Variants in ARHGEF10 observed in about 807,000 individuals in gnomAD.
ARHGEF10 encodes Rho guanine nucleotide exchange factor 10.
Under a neutral mutation model 147.4 loss-of-function variants are expected in ARHGEF10, and 140 were observed. The ratio of observed to expected loss-of-function variants is 0.95; its 90% CI spans 0.83 to 1.09. The LOEUF is 1.09. Ranked by LOEUF, ARHGEF10 falls within the 50% of genes least tolerant of loss-of-function variation. ARHGEF10 has a pLI of 0.00. For missense variants in ARHGEF10, 2,222 were observed against 1,752.7 expected (o/e 1.27, Z -4.78); for synonymous variants, 902 against 695.8 (o/e 1.30, Z -4.67).
intron 8 of ARHGEF10, among the ~76,000 whole-genome samples, chr8:1,877,236 TC>T (rs1807786299): frequency 6.6e-6 from 1 of 152,212 alleles, no homozygotes; most frequent in Non-Finnish European, 1.5e-5. Context: ...TTTTTCTTTT[TC>T]TTTTTTTTGA....
In ARHGEF10 at chr8:1,952,173, G is replaced by A. The variant is rs919432526; in HGVS notation, c.3398-532G>A. 1.8e-4 allele frequency among the ~76,000 whole-genome samples: 27 copies of A among 152,216 alleles called. 1 individual carries two copies. Among genetic ancestry groups the A allele is most frequent in the African/African-American group, 6.5e-4 (27 of 41,464 alleles). On this transcript the variant is annotated intron_variant, in intron 27 of 28. Transcript: ENST00000349830. ...GTGTCCAGCGCTGAGGCTGTGTGAC[G>A]ATGTTGTTCTTCACGCAGAGCCCTG...
At chr8:1,882,435 A>G (rs754724311) in intron 9 of ARHGEF10, among the ~76,000 whole-genome samples, 200 bp from the exon 10 acceptor site, 8 of 152,254 alleles carry the variant, frequency 5.3e-5, no homozygotes, top group Non-Finnish European at 1.2e-4. Context: ...CACCATGTCC[A>G]GGAAGGGCTG....
chr8:1,933,980 G>A (rs781714585), intron 26 of ARHGEF10, 38 bp downstream of exon 26: 7 of 1,613,888 alleles, frequency 4.3e-6, no homozygotes, highest in Middle Eastern at 1.6e-4. Context: ...TGGAAAAAAT[G>A]CATTTCAGAA....
rs1306929407 is a variant in ARHGEF10, at chr8:1,945,623, A to G, written c.3365A>G (p.Asn1122Ser). The change falls in exon 27 of 29, where the codon AAC becomes AGC. Residue 1122 changes from asparagine to serine, a missense_variant. By Grantham distance (46) the Asn-to-Ser change is conservative. Coordinates refer to ENST00000349830, the MANE Select transcript of ARHGEF10 (RefSeq NM_014629.4). The stretch of plus-strand genomic sequence containing the variant: ...ACTCTCAAGCACCTGCAGGACATCA[A>G]CATCGCCACCCCTGTTCACAACATG... ...TETLKHLQDI[N>S]IATPVHNMLP... 2.5e-6 allele frequency: 4 copies of G among 1,614,050 alleles called. No homozygotes were observed. Among genetic ancestry groups the G allele is most frequent in the Middle Eastern group, 1.6e-4 (1 of 6,082 alleles).
chr8:1,857,935 A>G (rs754530974), intron 2 of ARHGEF10, 25 bp from the exon 3 acceptor site: 2 of 1,543,178 alleles, frequency 1.3e-6, no homozygotes, highest in South Asian at 1.1e-5. Flanking sequence ...TCTCTCCTTG[A>G]TGTGGTTTTG....
intron 11 of ARHGEF10, among the ~76,000 whole-genome samples, chr8:1,888,196 GGAGACAC>G: frequency 1.1e-5 from 1 of 91,796 alleles, no homozygotes; most frequent in Non-Finnish European, 2.3e-5. Flanking sequence ...GGGTTTGCGA[GGAGACAC>G]TTAGTGGGGC....
At chr8:1,940,236 A>C (rs917716807) in intron 26 of ARHGEF10, among the ~76,000 whole-genome samples, 1 of 152,176 alleles carries the variant, frequency 6.6e-6, no homozygotes, top group Non-Finnish European at 1.5e-5. Context: ...AATCCTCTCT[A>C]TGGAAGTCGC....
intron 18 of ARHGEF10, among the ~76,000 whole-genome samples, chr8:1,921,509 C>A (rs1228711611): frequency 1.3e-5 from 2 of 152,164 alleles, no homozygotes; most frequent in Non-Finnish European, 2.9e-5. Flanking sequence ...GGGTGGATCA[C>A]CTGAGGTCAG....
chr8:1,875,974 T>A (rs1807663430), intron 7 of ARHGEF10: 1 of 156,874 alleles, frequency 6.4e-6, no homozygotes, highest in South Asian at 1.9e-4. Context: ...ATAAAAGAGT[T>A]AGAGAGACAC....
Position 1,824,016 on chromosome 8 carries a change from A to AACGGCGGGGAACAGCGGGGG in ARHGEF10, c.-136_-135insAACAGCGGGGGACGGCGGGG, listed in dbSNP as rs1563137358. On this transcript the variant is annotated 5_prime_UTR_variant, in exon 1 of 29. Coordinates refer to ENST00000349830, the MANE Select transcript of ARHGEF10 (RefSeq NM_014629.4). ...GCGGGGGACGCGGGGGACGGCGGGG[A>AACGGCGGGGAACAGCGGGGG]ACGGCGGGGGACGGCGGGGAACAGC... 2.5e-4 allele frequency: 24 copies of AACGGCGGGGAACAGCGGGGG among 96,834 alleles called. No homozygotes were observed. Among genetic ancestry groups the AACGGCGGGGAACAGCGGGGG allele is most frequent in the South Asian group, 9.3e-4 (2 of 2,142 alleles). The allele number at this position is 96,834 out of a possible 1,614,324, so 6.0% of individuals were successfully genotyped here.
chr8:1,841,111 T>C (rs1803998290), intron 1 of ARHGEF10, among the ~76,000 whole-genome samples: 1 of 152,256 alleles, frequency 6.6e-6, no homozygotes, highest in Admixed American at 6.5e-5. Context: ...CGCCCTCAGC[T>C]GTAGCCTTCG....
In ARHGEF10 at chr8:1,882,727, G is replaced by T; in HGVS notation, c.1053G>T (p.Arg351Ser). The T allele has an allele frequency of 6.5e-7, 1 of 1,547,828 alleles. No individual in the cohort carries two copies. Among genetic ancestry groups the T allele is most frequent in the Non-Finnish European group, 8.7e-7 (1 of 1,144,252 alleles). Residue 351 changes from arginine to serine, a missense_variant, in exon 10 of 29, where the codon AGG becomes AGT. Physicochemically the swap from Arg to Ser is moderately radical, Grantham distance 110. Transcript: ENST00000349830. ...TGAAGAGGGGCCGCTCCTTCATCAG[G>T]ACCAAGTCTCTCATCGCACAGGGTC... ...AAVKRGRSFI[R>S]TKSLIAQDHR...
chr8:1,846,625 T>C (rs1804583651), intron 2 of ARHGEF10, among the ~76,000 whole-genome samples: 1 of 152,170 alleles, frequency 6.6e-6, no homozygotes, highest in African/African-American at 2.4e-5. Context: ...TCACCCAGGC[T>C]GGAGTGAAGT....
intron 25 of ARHGEF10, among the ~76,000 whole-genome samples, chr8:1,930,278 G>A (rs921606415): frequency 2.0e-5 from 3 of 151,952 alleles, no homozygotes; most frequent in South Asian, 2.1e-4. Flanking sequence ...ACGCCTTGGC[G>A]GGTCCTGTTA....
chr8:1,924,607 G>A (rs924255771), intron 21 of ARHGEF10, among the ~76,000 whole-genome samples: 1 of 152,176 alleles, frequency 6.6e-6, no homozygotes, highest in Non-Finnish European at 1.5e-5. Context: ...GCTTTGTCCC[G>A]GACGGGAAAG....
chr8:1,880,274 C>T (rs1808073609), intron 9 of ARHGEF10, 110 bp downstream of exon 9: 1 of 772,642 alleles, frequency 1.3e-6, no homozygotes, highest in South Asian at 1.4e-5. Flanking sequence ...AAAGGGTGGT[C>T]CGGGGCTCCT....
intron 3 of ARHGEF10, chr8:1,858,739 C>T (rs999266870): frequency 1.5e-4 from 22 of 148,986 alleles, no homozygotes; most frequent in African/African-American, 4.3e-4. Context: ...CCTCTCAGCT[C>T]GCACGGTGTT....
intron 2 of ARHGEF10, among the ~76,000 whole-genome samples, chr8:1,855,698 A>T (rs1217581902): frequency 1.3e-5 from 2 of 151,842 alleles, no homozygotes; most frequent in African/African-American, 4.8e-5. Context: ...CAATACATAA[A>T]CATTTTCACT....
Position 1,937,275 on chromosome 8 carries a change from G to C in ARHGEF10, c.3222+3333G>C, listed in dbSNP as rs1253213697. On this transcript the variant is annotated intron_variant, in intron 26 of 28. Coordinates refer to ENST00000349830, the MANE Select transcript of ARHGEF10 (RefSeq NM_014629.4). This position sits in a 1 kb window ranked among gnomAD's most constrained non-coding sequence, Gnocchi z 4.9. ...AGGGATTAGCTAGTGCGGCCATGCA[G>C]GGTAGCCCCGTGGATGCGGTCACAG... Among the ~76,000 whole-genome samples, 1 of 152,216 alleles carries C rather than the reference G, an allele frequency of 6.6e-6. No homozygotes were observed. Among genetic ancestry groups the C allele is most frequent in the Non-Finnish European group, 1.5e-5 (1 of 68,042 alleles).
Sources: gnomAD v4.1 joint callset for allele counts (sites outside exome capture counted in the v4.1 genomes callset) on GRCh38, gnomAD v4.1.1 for gene constraint, Gnocchi (gnomAD v3.1) non-coding constraint, MANE v1.5 for transcripts, NCBI Gene and HGNC (gene_info 2026-07-23, HGNC 2026-07-21) for gene names.